ZNF776: variants seen among roughly 807,000 people sequenced by gnomAD.
ZNF776 encodes zinc finger protein 776.
Under a neutral mutation model 7.0 loss-of-function variants are expected in ZNF776, and 4 were observed. The observed-to-expected ratio is 0.57, with a 90% CI of 0.28 to 1.31. The LOEUF (loss-of-function observed/expected upper bound fraction) is 1.31, where lower values mean the gene tolerates loss of function less well. Among genes scored for constraint, ZNF776 ranks in the 50% most tolerant of loss-of-function variants. The pLI is 0.10. For missense variants in ZNF776, 555 were observed against 625.9 expected (o/e 0.89, Z 1.21); for synonymous variants, 212 against 213.7 (o/e 0.99, Z 0.07).
At position 57,754,762 on chromosome 19, in the gene ZNF776, A is replaced by C; in HGVS notation, c.*75A>C. 1 of 1,467,028 alleles carries C rather than the reference A, an allele frequency of 6.8e-7. No homozygotes were observed. The highest frequency in any genetic ancestry group is 2.0e-5 in the Admixed American group (1 of 49,880). 90.9% of individuals were successfully genotyped at this position (1,467,028 alleles called of 1,614,324 possible). A position where few individuals can be genotyped will look rare whatever the true frequency, so the allele number is the denominator to read the frequency against. ...GAGATCACACTGGAAAGCACTTATG[A>C]GTATGGAGAATGTGCAAAATCATCT... On this transcript the variant is annotated 3_prime_UTR_variant, in exon 3 of 3. Coordinates refer to ENST00000317178, the MANE Select transcript of ZNF776 (RefSeq NM_173632.4).
chr19:57,753,377 G>A lies in ZNF776; in HGVS notation c.247G>A (p.Gly83Ser), dbSNP rs1170696846. Reference sequence around the variant, plus strand: ...GTCCCCACTCAGGACACATTGGACAGGTGTATGTACCAAGAAGGTCCACCT... The same window carrying A: ...GTCCCCACTCAGGACACATTGGACAAGTGTATGTACCAAGAAGGTCCACCT... Reference protein sequence around the residue: ...QESPLRTHWTGVCTKKVHLWG... With the variant: ...QESPLRTHWTSVCTKKVHLWG... The change falls in exon 3 of 3, where the codon GGT becomes AGT. Residue 83 changes from glycine (G) to serine (S), a missense_variant. Coordinates refer to ENST00000317178, the MANE Select transcript of ZNF776 (RefSeq NM_173632.4). 6.2e-7 allele frequency: 1 copy of A among 1,614,210 alleles called. No individual in the cohort carries two copies. The highest frequency in any genetic ancestry group is 1.1e-5 in the South Asian group (1 of 91,088).
At chr19:57,751,884 T>TTTA (rs1457745277) in intron 2 of ZNF776, among the ~76,000 whole-genome samples, 1 of 138,024 alleles carries the variant, frequency 7.2e-6, no homozygotes, top group Non-Finnish European at 1.6e-5. Flanking sequence ...TTTTTTTTTT[T>TTTA]TTTTTTGAGA....
chr19:57,753,270 C>A, intron 2 of ZNF776, 21 bp from the exon 3 acceptor site: 1 of 1,595,170 alleles, frequency 6.3e-7, no homozygotes, highest in Non-Finnish European at 8.5e-7. Context: ...TTGCATTTTA[C>A]CAGCATTTTA....
rs374711086 is a variant in ZNF776, at chr19:57,754,341, A to G, written c.1211A>G (p.Tyr404Cys). Residue 404 changes from tyrosine (Y) to cysteine (C), a missense_variant, in exon 3 of 3, where the codon TAT becomes TGT. Coordinates refer to ENST00000317178, the MANE Select transcript of ZNF776 (RefSeq NM_173632.4). ...HQRVHTGERP[Y>C]ECKECRKSFR... Reference sequence around the variant, plus strand: ...AGAGTTCACACTGGAGAAAGACCCTATGAGTGTAAAGAATGTAGGAAATCA... The same window carrying G: ...AGAGTTCACACTGGAGAAAGACCCTGTGAGTGTAAAGAATGTAGGAAATCA... 6.2e-7 allele frequency: 1 copy of G among 1,614,150 alleles called. No homozygotes were observed. The highest frequency in any genetic ancestry group is 8.5e-7 in the Non-Finnish European group (1 of 1,180,012).
Position 57,754,417 on chromosome 19 carries a change from A to G in ZNF776, c.1287A>G (p.Glu429=). ...AACACCAGAGAGTTCACACTGGAGA[A>G]AGGCCATATGAGTGTAGAGAATGTG... ...LTEHQRVHTG[E]RPYECRECGK... The change falls in exon 3 of 3, where the codon GAA becomes GAG. Residue 429 remains glutamate, a synonymous_variant. Transcript: ENST00000317178. 1 of 1,614,230 alleles carries G rather than the reference A, an allele frequency of 6.2e-7. No individual in the cohort carries two copies. Among genetic ancestry groups the G allele is most frequent in the Non-Finnish European group, 8.5e-7 (1 of 1,180,040 alleles).
chr19:57,754,177 G>T lies in ZNF776; in HGVS notation c.1047G>T (p.Gln349His). 6.2e-7 allele frequency: 1 copy of T among 1,614,150 alleles called. No homozygotes were observed. The highest frequency in any genetic ancestry group is 8.5e-7 in the Non-Finnish European group (1 of 1,179,986). Residue 349 changes from glutamine to histidine, a missense_variant, in exon 3 of 3, where the codon CAG becomes CAT. Physicochemically the swap from Gln to His is conservative, Grantham distance 24. Coordinates refer to ENST00000317178, the MANE Select transcript of ZNF776 (RefSeq NM_173632.4). Reference protein sequence around the residue: ...QRVHTGERPYQCGECGKSFNH... With the variant: ...QRVHTGERPYHCGECGKSFNH... Reference sequence around the variant, plus strand: ...TTCACACTGGAGAAAGACCTTATCAGTGTGGAGAATGTGGGAAATCGTTTA... The same window carrying T: ...TTCACACTGGAGAAAGACCTTATCATTGTGGAGAATGTGGGAAATCGTTTA...
Position 57,757,870 on chromosome 19 carries a change from TTA to T in ZNF776, c.*3187_*3188del, listed in dbSNP as rs1305707952. On this transcript the variant is annotated 3_prime_UTR_variant, in exon 3 of 3. Transcript: ENST00000317178. The stretch of plus-strand genomic sequence containing the variant: ...AGATTAATGTCAATTTTCTGGAATT[TTA>T]TATGACTGATATAACATGTTTCCTC... The T allele has an allele frequency of 2.0e-5, 3 of 152,330 alleles. No homozygotes were observed. Among genetic ancestry groups the T allele is most frequent in the Admixed American group, 2.0e-4 (3 of 15,300 alleles). The allele number at this position is 152,330 out of a possible 1,614,324, so 9.4% of individuals were successfully genotyped here.
chr19:57,747,973 G>T (rs1242995679), intron 1 of ZNF776, among the ~76,000 whole-genome samples: 1 of 151,944 alleles, frequency 6.6e-6, no homozygotes, highest in African/African-American at 2.4e-5. Context: ...AAACATACTT[G>T]GAAGGTTAAC....
At position 57,753,571 on chromosome 19, in the gene ZNF776, G is replaced by A. The variant is rs145378642; in HGVS notation, c.441G>A (p.Lys147=). The A allele has an allele frequency of 6.2e-7, 1 of 1,614,214 alleles. No individual in the cohort carries two copies. The highest frequency in any genetic ancestry group is 8.5e-7 in the Non-Finnish European group (1 of 1,180,040). ...IGEKSYRSNA[K]GTSFVKNCKF... ...AGAAATCGTACAGAAGCAATGCCAA[G>A]GGAACATCTTTTGTAAAGAACTGTA... is the stretch of plus-strand genomic sequence containing the variant. Residue 147 remains lysine, a synonymous_variant, in exon 3 of 3, where the codon AAG becomes AAA. Coordinates refer to ENST00000317178, the MANE Select transcript of ZNF776 (RefSeq NM_173632.4).
In ZNF776 at chr19:57,753,426, T is replaced by C. The variant is rs1364496494; in HGVS notation, c.296T>C (p.Leu99Pro). The change falls in exon 3 of 3, where the codon CTG becomes CCG. Residue 99 changes from leucine to proline, a missense_variant. Leu to Pro is a moderately conservative substitution (Grantham distance 98, BLOSUM62 -3). Coordinates refer to ENST00000317178, the MANE Select transcript of ZNF776 (RefSeq NM_173632.4). The stretch of plus-strand genomic sequence containing the variant: ...CTCTGGGGAATGTGTGGCCCTCTCC[T>C]GGGAGATATCTTACACCAGGGAACA... ...VHLWGMCGPL[L>P]GDILHQGTQH... 1 of 1,614,184 alleles carries C rather than the reference T, an allele frequency of 6.2e-7. No homozygotes were observed. The highest frequency in any genetic ancestry group is 8.5e-7 in the Non-Finnish European group (1 of 1,180,030).
At chr19:57,752,014 G>T (rs1172516516) in intron 2 of ZNF776, among the ~76,000 whole-genome samples, 1 of 151,652 alleles carries the variant, frequency 6.6e-6, no homozygotes, top group Non-Finnish European at 1.5e-5. Context: ...TGGGACCACA[G>T]GCACATGCTG....
rs752923444 is a variant in ZNF776, at chr19:57,753,589, G to T, written c.459G>T (p.Lys153Asn). The change falls in exon 3 of 3, where the codon AAG (lysine) becomes AAT (asparagine). Residue 153 changes from lysine to asparagine, a missense_variant. Transcript: ENST00000317178. ...ATGCCAAGGGAACATCTTTTGTAAA[G>T]AACTGTAAATTCCATATGTCACATG... ...RSNAKGTSFV[K>N]NCKFHMSHEP... is the part of the protein sequence containing the mutation. 1 of 1,614,204 alleles carries T rather than the reference G, an allele frequency of 6.2e-7. No individual in the cohort carries two copies. Among genetic ancestry groups the T allele is most frequent in the Non-Finnish European group, 8.5e-7 (1 of 1,180,040 alleles).
chr19:57,754,674 A>C lies in ZNF776; in HGVS notation c.1544A>C (p.His515Pro). The change falls in exon 3 of 3, where the codon CAT becomes CCT. Residue 515 changes from histidine to proline, a missense_variant. His to Pro is a moderately conservative substitution (Grantham distance 77). Coordinates refer to ENST00000317178, the MANE Select transcript of ZNF776 (RefSeq NM_173632.4). ...CAACGAGTTCACACGGGAGAAAGACATCATGAATGTTGAAAATTTGGCAGA... is the reference window on the plus strand; with the variant it reads ...CAACGAGTTCACACGGGAGAAAGACCTCATGAATGTTGAAAATTTGGCAGA... Reference protein sequence around the residue: ...KHQRVHTGERHHEC With the variant: ...KHQRVHTGERPHEC 1 of 1,607,742 alleles carries C rather than the reference A, an allele frequency of 6.2e-7. No individual in the cohort carries two copies. The highest frequency in any genetic ancestry group is 8.5e-7 in the Non-Finnish European group (1 of 1,175,082).
At chr19:57,747,572 C>A (rs1196045826) in intron 1 of ZNF776, among the ~76,000 whole-genome samples, 2 of 152,144 alleles carry the variant, frequency 1.3e-5, no homozygotes, top group Non-Finnish European at 2.9e-5. Context: ...CAGATAGGTG[C>A]TAAGAGATGA....
rs898017129 is a variant in ZNF776 at position 57,755,431 on chromosome 19, C to T, written c.*744C>T. 6.6e-5 allele frequency: 10 copies of T among 152,240 alleles called. No individual in the cohort carries two copies. The highest frequency in any genetic ancestry group is 6.5e-4 in the Admixed American group (10 of 15,284). The allele number at this position is 152,240 out of a possible 1,614,324, so 9.4% of individuals were successfully genotyped here. ...ACTGGATCAAGGCTTTATGGTGTGA[C>T]AAATATGGCACATTCTTTATCTAAA... On this transcript the variant is annotated 3_prime_UTR_variant, in exon 3 of 3. Transcript: ENST00000317178.
At position 57,753,314 on chromosome 19, in the gene ZNF776, G is replaced by A. The variant is rs1436577473; in HGVS notation, c.184G>A (p.Glu62Lys). 13 of 1,609,748 alleles carry A rather than the reference G, an allele frequency of 8.1e-6. No homozygotes were observed. Among genetic ancestry groups the A allele is most frequent in the African/African-American group, 1.3e-5 (1 of 74,734 alleles). The change falls in exon 3 of 3, where the codon GAG becomes AAG. Residue 62 changes from glutamate (E) to lysine (K), a missense_variant. Coordinates refer to ENST00000317178, the MANE Select transcript of ZNF776 (RefSeq NM_173632.4). ...SLGCWYGAKD[E>K]TPSKQTLSIQ... ...AGGTTGTTGGTATGGAGCAAAAGAC[G>A]AGACACCTTCTAAGCAGACCCTTTC...
rs1986579493 is a variant in ZNF776, at chr19:57,750,838, T to G, written c.87T>G (p.Ser29Arg). 1.2e-6 allele frequency: 2 copies of G among 1,612,994 alleles called. No individual in the cohort carries two copies. The highest frequency in any genetic ancestry group is 4.5e-5 in the East Asian group (2 of 44,824). Reference sequence around the variant, plus strand: ...TGAACTTTTCCCAGGAGGAATGGAGTCTCCTTAGTGAGGCTCAGAGATGCC... The same window carrying G: ...TGAACTTTTCCCAGGAGGAATGGAGGCTCCTTAGTGAGGCTCAGAGATGCC... ...VAVNFSQEEW[S>R]LLSEAQRCLY... Residue 29 changes from serine to arginine, a missense_variant, in exon 2 of 3, where the codon AGT (serine) becomes AGG (arginine). By Grantham distance (110) the Ser-to-Arg change is moderately radical. Coordinates refer to ENST00000317178, the MANE Select transcript of ZNF776 (RefSeq NM_173632.4).
chr19:57,753,206 A>G, intron 2 of ZNF776, 85 bp from the exon 3 acceptor site: 1 of 1,311,314 alleles, frequency 7.6e-7, no homozygotes. Context: ...TATAAGTACA[A>G]CAAAGCAGCT....
intron 1 of ZNF776, among the ~76,000 whole-genome samples, chr19:57,748,965 C>A (rs1986522746): frequency 7.0e-6 from 1 of 143,568 alleles, no homozygotes; most frequent in South Asian, 2.2e-4. Flanking sequence ...AAAAACAGGA[C>A]TTTTTTTTTT....
Sources: gnomAD v4.1 joint callset for allele counts (sites outside exome capture counted in the v4.1 genomes callset) on GRCh38, gnomAD v4.1.1 for gene constraint, MANE v1.5 for transcripts, NCBI Gene and HGNC (gene_info 2026-07-23, HGNC 2026-07-21) for gene names.